Variants in EBF2 observed in about 807,000 individuals in gnomAD.
The protein encoded by EBF2 is transcription factor COE2.
A neutral mutation model predicts 72.8 loss-of-function variants in EBF2; 21 were observed. That is an observed-to-expected ratio of 0.29 (90% confidence interval 0.20 to 0.42). EBF2 has a LOEUF of 0.42. Ranked by LOEUF, EBF2 falls within the 10% of genes least tolerant of loss-of-function variation. The pLI is 1.00. For synonymous variants in EBF2, 299 were observed against 274.2 expected, an observed-to-expected ratio of 1.09 and a Z score of -0.89; for missense variants, 637 against 731.2, an observed-to-expected ratio of 0.87 and a Z score of 1.49.
At position 25,911,880 on chromosome 8, in the gene EBF2, A is replaced by C. The variant is rs543284030; in HGVS notation, c.552-3325T>G. On this transcript the variant is annotated intron_variant, in intron 6 of 15. Transcript: ENST00000520164. ...GGACAGCTGACTGGTGGGAAATAGGACATCCAGGGTGACGCCGTGCCCAGA... is the reference window on the plus strand; with the variant it reads ...GGACAGCTGACTGGTGGGAAATAGGCCATCCAGGGTGACGCCGTGCCCAGA... 4.6e-5 allele frequency among the ~76,000 whole-genome samples: 7 copies of C among 152,264 alleles called. No homozygotes were observed. In the South Asian group the frequency reaches 1.2e-3, roughly 27 times the overall value.
chr8:25,930,664 G>A (rs529220266), intron 6 of EBF2, among the ~76,000 whole-genome samples: 145 of 152,284 alleles, frequency 9.5e-4, no homozygotes, highest in African/African-American at 3.3e-3. Context: ...GTTTATAAAT[G>A]TACTTGCAAA....
At chr8:25,959,670 C>T (rs1017847305) in intron 6 of EBF2, among the ~76,000 whole-genome samples, 1 of 152,276 alleles carries the variant, frequency 6.6e-6, no homozygotes, top group East Asian at 1.9e-4. Context: ...GCACTGTAGC[C>T]ATTTTGCCGC....
rs1190582971 is a variant in EBF2, at chr8:25,868,695, T to C, written c.1010-5898A>G. Among the ~76,000 whole-genome samples, 5 of 152,280 alleles carry C rather than the reference T, an allele frequency of 3.3e-5. 1 individual carries two copies. In the South Asian group the frequency reaches 1.0e-3, roughly 32 times the overall value. Reference sequence around the variant, plus strand: ...TTCACCATCTTGCCCAGGCTGATCTTGAACTCCTGAGCTCAAGCAATCCGC... The same window carrying C: ...TTCACCATCTTGCCCAGGCTGATCTCGAACTCCTGAGCTCAAGCAATCCGC... On this transcript the variant is annotated intron_variant, in intron 10 of 15. Transcript: ENST00000520164.
chr8:25,965,111 T>C (rs1454454847), intron 6 of EBF2, among the ~76,000 whole-genome samples: 1 of 152,198 alleles, frequency 6.6e-6, no homozygotes, highest in African/African-American at 2.4e-5. Flanking sequence ...ATATATTTAA[T>C]ACATAGCAGA....
intron 1 of EBF2, among the ~76,000 whole-genome samples, chr8:26,043,696 G>C (rs368265227): frequency 9.6e-4 from 146 of 152,346 alleles, no homozygotes; most frequent in Middle Eastern, 3.4e-3. Context: ...GCCAGTTTGG[G>C]AAAGGGATCA....
intron 6 of EBF2, chr8:26,032,782 C>T (rs535181872): frequency 1.1e-5 from 3 of 282,196 alleles, no homozygotes; most frequent in South Asian, 8.7e-5. Flanking sequence ...CTGATTGAGA[C>T]CATACCCTGC....
intron 6 of EBF2, among the ~76,000 whole-genome samples, chr8:25,940,787 C>G (rs1803656612): frequency 6.6e-6 from 1 of 152,072 alleles, no homozygotes; most frequent in Non-Finnish European, 1.5e-5. Flanking sequence ...CAGGTGAATG[C>G]AAGAATGATT....
intron 1 of EBF2, among the ~76,000 whole-genome samples, chr8:26,043,303 G>A (rs1252066699): frequency 6.6e-6 from 1 of 152,270 alleles, no homozygotes; most frequent in Non-Finnish European, 1.5e-5. Context: ...CGGTGCGCAA[G>A]CACCTTCATT....
chr8:25,914,033 A>C (rs1410052029), intron 6 of EBF2, among the ~76,000 whole-genome samples: 1 of 152,222 alleles, frequency 6.6e-6, no homozygotes, highest in African/African-American at 2.4e-5. Flanking sequence ...AGGAATGGGC[A>C]GTTGCCTCTC....
At chr8:25,858,530 T>G in intron 13 of EBF2, 26 bp from the exon 14 acceptor site, 2 of 1,605,638 alleles carry the variant, frequency 1.2e-6, no homozygotes, top group Non-Finnish European at 1.7e-6. Flanking sequence ...AAAGCCCAGG[T>G]AAATCAACAG....
At chr8:25,936,177 G>T (rs1803575484) in intron 6 of EBF2, among the ~76,000 whole-genome samples, 1 of 152,282 alleles carries the variant, frequency 6.6e-6, no homozygotes, top group East Asian at 1.9e-4. Flanking sequence ...GATCCCAAAA[G>T]ACATTATACT....
intron 6 of EBF2, among the ~76,000 whole-genome samples, chr8:25,910,127 G>A (rs1803102612): frequency 6.6e-6 from 1 of 152,194 alleles, no homozygotes; most frequent in African/African-American, 2.4e-5. Flanking sequence ...CTGAACGGCA[G>A]TAGCATCTCT....
chr8:26,041,066 G>C, intron 2 of EBF2, 64 bp from the exon 3 acceptor site: 1 of 1,575,368 alleles, frequency 6.3e-7, no homozygotes, highest in Non-Finnish European at 8.7e-7. Context: ...GGAAAGAGGA[G>C]ACAGTGAATC....
At chr8:25,866,169 C>G (rs570378662) in intron 10 of EBF2, among the ~76,000 whole-genome samples, 1 of 151,918 alleles carries the variant, frequency 6.6e-6, no homozygotes, top group East Asian at 1.9e-4. Flanking sequence ...TTGATAGATG[C>G]ATTAATCCCA....
chr8:25,986,141 T>TAC (rs1804452955), intron 6 of EBF2, among the ~76,000 whole-genome samples: 1 of 152,056 alleles, frequency 6.6e-6, no homozygotes, highest in Non-Finnish European at 1.5e-5. Context: ...ATGCTGGGTA[T>TAC]ACACCATGGT....
At chr8:25,852,064 TTG>T (rs1563374635) in intron 14 of EBF2, among the ~76,000 whole-genome samples, 1 of 152,212 alleles carries the variant, frequency 6.6e-6, no homozygotes, top group African/African-American at 2.4e-5. Context: ...TAAAGTAGTC[TTG>T]ATTTAAGGAG....
At chr8:25,861,633 T>C (rs146004758) in intron 11 of EBF2, among the ~76,000 whole-genome samples, 1 of 152,310 alleles carries the variant, frequency 6.6e-6, no homozygotes, top group East Asian at 1.9e-4. Flanking sequence ...ACAACCCAAT[T>C]GAGAGTATAG....
At chr8:25,912,477 C>CACACACAT (rs1803144791) in intron 6 of EBF2, among the ~76,000 whole-genome samples, 1 of 141,332 alleles carries the variant, frequency 7.1e-6, no homozygotes. Context: ...CACACACACA[C>CACACACAT]ACACACACAC....
chr8:26,002,653 G>C (rs1203409605), intron 6 of EBF2, among the ~76,000 whole-genome samples: 1 of 152,182 alleles, frequency 6.6e-6, no homozygotes, highest in Non-Finnish European at 1.5e-5. Context: ...GAAATGCGGA[G>C]GGAATTAGAC....
Sources: allele counts gnomAD v4.1 joint callset (sites outside exome capture counted in the v4.1 genomes callset), GRCh38; gene constraint gnomAD v4.1.1; transcripts MANE v1.5; gene names NCBI Gene and HGNC (gene_info 2026-07-23, HGNC 2026-07-21).